TMEM196: variants seen among roughly 807,000 people sequenced by gnomAD.
TMEM196 encodes the protein transmembrane protein 196.
TMEM196 carries 17 observed loss-of-function variants against 20.0 expected under a neutral mutation model. The ratio of observed to expected loss-of-function variants is 0.85; its 90% confidence interval spans 0.58 to 1.27. The LOEUF (loss-of-function observed/expected upper bound fraction) is 1.27. TMEM196 is among the 50% of genes most tolerant of loss of function. The probability of loss-of-function intolerance (pLI) is 0.00; values close to 1 mark genes in which losing one functional copy is unlikely to be tolerated. For synonymous variants in TMEM196, 113 were observed against 88.9 expected (o/e 1.27, Z -1.52); for missense variants, 267 against 223.0 (o/e 1.20, Z -1.26).
At chr7:19,751,055 T>A (rs117828735) in intron 1 of TMEM196, among the ~76,000 whole-genome samples, 3,721 of 152,320 alleles carry the variant, frequency 0.024, 70 homozygotes, top group Middle Eastern at 0.065. Context: ...TTTTATTTTA[T>A]ATATTTCTTG....
At position 19,725,504 on chromosome 7, in the gene TMEM196, C is replaced by A; in HGVS notation, c.459+10G>T. ...GTGCTAGCAGTGAGAGGAAAAGGTACAAAACTCACTTTCTCAGCCATTTCA... is the reference window on the plus strand; with the variant it reads ...GTGCTAGCAGTGAGAGGAAAAGGTAAAAAACTCACTTTCTCAGCCATTTCA... On this transcript the variant is annotated intron_variant, in intron 3 of 4. Transcript: ENST00000405844. 3 of 1,599,418 alleles carry A rather than the reference C, an allele frequency of 1.9e-6. No individual in the cohort carries two copies. In the South Asian group the frequency reaches 3.3e-5, roughly 18 times the overall value.
At chr7:19,749,177 G>A (rs1478022373) in intron 1 of TMEM196, among the ~76,000 whole-genome samples, 2 of 152,132 alleles carry the variant, frequency 1.3e-5, no homozygotes, top group African/African-American at 4.8e-5. Flanking sequence ...TTGGTCTATG[G>A]CTTTTACATT....
At chr7:19,729,247 T>G in intron 2 of TMEM196, 135 bp downstream of exon 2, 1 of 621,492 alleles carries the variant, frequency 1.6e-6, no homozygotes, top group Non-Finnish European at 2.3e-6. Context: ...AGGCAGGATT[T>G]ATTTGTCAGT....
chr7:19,761,871 G>A (rs1048029114), intron 1 of TMEM196, among the ~76,000 whole-genome samples: 8 of 152,270 alleles, frequency 5.3e-5, no homozygotes, highest in African/African-American at 1.7e-4. Flanking sequence ...TCAGTGCACA[G>A]AACAGATCAG....
chr7:19,722,261 G>A (rs1251615786), intron 4 of TMEM196, 127 bp from the exon 5 acceptor site: 4 of 699,200 alleles, frequency 5.7e-6, no homozygotes, highest in Non-Finnish European at 9.5e-6. Flanking sequence ...GAAAGACAAG[G>A]ATATTGCTGT....
chr7:19,758,302 A>C (rs1785297713), intron 1 of TMEM196, among the ~76,000 whole-genome samples: 1 of 152,200 alleles, frequency 6.6e-6, no homozygotes. Flanking sequence ...ATTGGTGTAG[A>C]AAGCCATTTC....
At position 19,720,442 on chromosome 7, in the gene TMEM196, T is replaced by A. The variant is rs1783777122; in HGVS notation, c.*1686A>T. ...TTGTTTATAAATTATATTCTCATAC[T>A]GAACAGTAAATATTTTAATTTACCT... On this transcript the variant is annotated 3_prime_UTR_variant, in exon 5 of 5. Transcript: ENST00000405844. 6.6e-6 allele frequency: 1 copy of A among 152,038 alleles called. No individual in the cohort carries two copies. Among genetic ancestry groups the A allele is most frequent in the Admixed American group, 6.5e-5 (1 of 15,270 alleles). 9.4% of individuals were successfully genotyped at this position (152,038 alleles called of 1,614,324 possible). A position where few individuals can be genotyped will look rare whatever the true frequency, so the allele number is the denominator to read the frequency against.
intron 1 of TMEM196, among the ~76,000 whole-genome samples, chr7:19,738,760 G>T (rs1329518419): frequency 6.6e-6 from 1 of 152,004 alleles, no homozygotes; most frequent in African/African-American, 2.4e-5. Context: ...TATCCTTGAG[G>T]CCATAAAAAT....
intron 1 of TMEM196, among the ~76,000 whole-genome samples, chr7:19,757,327 C>T (rs1050732510): frequency 2.7e-5 from 4 of 148,344 alleles, no homozygotes; most frequent in African/African-American, 1.0e-4. Context: ...GTGCGTGTCA[C>T]CACACCCAGC....
chr7:19,725,585 T>C lies in TMEM196; in HGVS notation c.388A>G (p.Ser130Gly). Residue 130 changes from serine to glycine, a missense_variant, in exon 3 of 5, where the codon AGT becomes GGT. Coordinates refer to ENST00000405844, the MANE Select transcript of TMEM196 (RefSeq NM_001363562.2). Reference sequence around the variant, plus strand: ...GAGAACATCCTCCTCTGTTCATAACTGGCTAGTCGACAAGTGAGCCAGGAA... The same window carrying C: ...GAGAACATCCTCCTCTGTTCATAACCGGCTAGTCGACAAGTGAGCCAGGAA... ...LSSWLTCRLA[S>G]YEQRRMFSER... is the part of the protein sequence containing the mutation. The C allele has an allele frequency of 6.2e-7, 1 of 1,614,096 alleles. No homozygotes were observed. Among genetic ancestry groups the C allele is most frequent in the Non-Finnish European group, 8.5e-7 (1 of 1,179,986 alleles).
At chr7:19,747,275 T>C in intron 1 of TMEM196, among the ~76,000 whole-genome samples, 1 of 107,204 alleles carries the variant, frequency 9.3e-6, no homozygotes, top group Admixed American at 8.6e-5. Context: ...ATAAATAAAA[T>C]AAAATAAAAA....
chr7:19,726,065 C>T (rs928513254), intron 2 of TMEM196, among the ~76,000 whole-genome samples: 2 of 152,146 alleles, frequency 1.3e-5, no homozygotes, highest in African/African-American at 4.8e-5. Context: ...CAAAATTTAT[C>T]GTCTAGGTAG....
intron 1 of TMEM196, among the ~76,000 whole-genome samples, chr7:19,769,036 C>T (rs1159064556): frequency 6.6e-6 from 1 of 152,018 alleles, no homozygotes; most frequent in African/African-American, 2.4e-5. Flanking sequence ...AAAAATAATC[C>T]TTTTATAGTG....
At chr7:19,739,972 T>C (rs1013222348) in intron 1 of TMEM196, among the ~76,000 whole-genome samples, 4 of 151,420 alleles carry the variant, frequency 2.6e-5, no homozygotes, top group East Asian at 1.9e-4. Context: ...TGTGTGTGTG[T>C]GCACACATGT....
chr7:19,726,863 A>G (rs1376725521), intron 2 of TMEM196, among the ~76,000 whole-genome samples: 1 of 152,140 alleles, frequency 6.6e-6, no homozygotes, highest in Admixed American at 6.6e-5. Flanking sequence ...TCTTCTCGGG[A>G]ACACAGACTT....
intron 1 of TMEM196, among the ~76,000 whole-genome samples, chr7:19,747,742 G>C (rs549594134): frequency 6.6e-6 from 1 of 152,096 alleles, no homozygotes; most frequent in Non-Finnish European, 1.5e-5. Flanking sequence ...CTTCAGTTTT[G>C]TCTCTTGACA....
chr7:19,750,604 C>T (rs1007184732), intron 1 of TMEM196, among the ~76,000 whole-genome samples: 1 of 151,980 alleles, frequency 6.6e-6, no homozygotes, highest in Admixed American at 6.6e-5. Flanking sequence ...CGAGACCAGG[C>T]CATTTTCTAC....
At chr7:19,744,845 T>G (rs1784697181) in intron 1 of TMEM196, among the ~76,000 whole-genome samples, 1 of 152,200 alleles carries the variant, frequency 6.6e-6, no homozygotes, top group Admixed American at 6.5e-5. Context: ...AAAAGAACAT[T>G]CTTTAAGTGT....
At chr7:19,734,002 G>A (rs1784305949) in intron 1 of TMEM196, among the ~76,000 whole-genome samples, 1 of 152,108 alleles carries the variant, frequency 6.6e-6, no homozygotes, top group Non-Finnish European at 1.5e-5. Context: ...ACAACAGCAT[G>A]GGAGGATACC....
Sources: gnomAD v4.1 joint callset for allele counts (sites outside exome capture counted in the v4.1 genomes callset) on GRCh38, gnomAD v4.1.1 for gene constraint, MANE v1.5 for transcripts, NCBI Gene and HGNC (gene_info 2026-07-23, HGNC 2026-07-21) for gene names.